The following MEPE variants were observed in gnomAD, a reference collection of about 807,000 sequenced individuals.
MEPE encodes the protein matrix extracellular phosphoglycoprotein, also known as matrix, extracellular phosphoglycoprotein with ASARM motif (bone).
MEPE carries 7 observed loss-of-function variants against 7.3 expected under a neutral mutation model. The observed-to-expected ratio is 0.95, with a 90% confidence interval of 0.54 to 1.79. MEPE has a LOEUF of 1.79. MEPE is among the 40% of genes most tolerant of loss of function. MEPE has a pLI of 0.00. For synonymous variants in MEPE, 214 were observed against 213.1 expected (o/e 1.00, Z -0.04); for missense variants, 623 against 628.2 (o/e 0.99, Z 0.09).
upstream of MEPE, among the ~76,000 whole-genome samples, chr4:87,829,162 T>C (rs1722540181): frequency 6.6e-6 from 1 of 152,280 alleles, no homozygotes; most frequent in Admixed American, 6.5e-5. Flanking sequence ...TCTCCTAATT[T>C]TTTTTCCCCA....
In MEPE at chr4:87,846,484, C is replaced by T; in HGVS notation, c.*38C>T. On this transcript the variant is annotated 3_prime_UTR_variant, in exon 4 of 4. Coordinates refer to ENST00000361056, the MANE Select transcript of MEPE (RefSeq NM_020203.6). ...TCCCAGCGGGGTGACAGTCTGAAGA[C>T]CTCGTCACCTGTGAGTTGATGTAGA... is the stretch of plus-strand genomic sequence containing the variant. The T allele has an allele frequency of 6.3e-7, 1 of 1,579,080 alleles. No homozygotes were observed. The highest frequency in any genetic ancestry group is 8.6e-7 in the Non-Finnish European group (1 of 1,164,238).
upstream of MEPE, among the ~76,000 whole-genome samples, chr4:87,829,964 A>G (rs1358959571): frequency 6.7e-6 from 1 of 149,378 alleles, no homozygotes; most frequent in Non-Finnish European, 1.5e-5. Context: ...AGTTCAAATT[A>G]GTTGTTTAAT....
intron 1 of MEPE, among the ~76,000 whole-genome samples, chr4:87,824,455 T>A (rs1450809975): frequency 6.6e-6 from 1 of 152,220 alleles, no homozygotes; most frequent in Non-Finnish European, 1.5e-5. Flanking sequence ...TGGATTGCTT[T>A]GCAGGCTATA....
chr4:87,824,549 T>C (rs1722417286), intron 1 of MEPE, among the ~76,000 whole-genome samples: 1 of 152,182 alleles, frequency 6.6e-6, no homozygotes, highest in Admixed American at 6.5e-5. Flanking sequence ...ATGACTGTGT[T>C]CCAATAAAAC....
At chr4:87,825,028 T>C (rs572687048) in intron 1 of MEPE, among the ~76,000 whole-genome samples, 4 of 152,234 alleles carry the variant, frequency 2.6e-5, no homozygotes, top group Non-Finnish European at 5.9e-5. Flanking sequence ...TTGTATTTTC[T>C]AGTAGACAAG....
intron 3 of MEPE, among the ~76,000 whole-genome samples, chr4:87,842,889 T>C (rs1210287986): frequency 6.6e-6 from 1 of 152,166 alleles, no homozygotes; most frequent in South Asian, 2.1e-4. Flanking sequence ...CTATGAAAAC[T>C]GGGAAGGACT....
rs114697634 is a variant in MEPE at position 87,836,849 on chromosome 4, T to G, written c.55-1783T>G. Among the ~76,000 whole-genome samples the G allele has an allele frequency of 2.4e-3, 364 of 152,314 alleles. 2 individuals are homozygous for G. The highest frequency in any genetic ancestry group is 8.0e-3 in the African/African-American group (332 of 41,574). ...GCACTTCTGTTTCTTCTACTGCTCA[T>G]CTTATAAAGGTTACTTTGGGACTCA... On this transcript the variant is annotated intron_variant, in intron 2 of 3. Coordinates refer to ENST00000361056, the MANE Select transcript of MEPE (RefSeq NM_020203.6).
upstream of MEPE, among the ~76,000 whole-genome samples, chr4:87,828,969 C>T (rs145361718): frequency 2.4e-4 from 36 of 152,122 alleles, no homozygotes; most frequent in Middle Eastern, 3.4e-3. Context: ...ATTTTTTTTA[C>T]AGACTCCTGG....
chr4:87,839,472 A>G (rs1263699518), intron 3 of MEPE, among the ~76,000 whole-genome samples: 8 of 151,846 alleles, frequency 5.3e-5, no homozygotes, highest in Admixed American at 4.6e-4. Flanking sequence ...GGGAAAACAG[A>G]TTTAGAGTTA....
chr4:87,835,245 T>C (rs1722739970), intron 2 of MEPE, among the ~76,000 whole-genome samples: 1 of 152,198 alleles, frequency 6.6e-6, no homozygotes, highest in African/African-American at 2.4e-5. Flanking sequence ...GGGATCCTAC[T>C]TGTGATTTTC....
rs188464686 is a variant in MEPE, at chr4:87,827,514, G to A, written c.-13+6043G>A. On this transcript the variant is annotated intron_variant, in intron 1 of 3. Coordinates refer to the MEPE transcript ENST00000424957. Reference sequence around the variant, plus strand: ...TAAAAGTCCTCAAGTTCTGTATCCTGAGAAGAAGATTCTTGGTCTTGAAAA... The same window carrying A: ...TAAAAGTCCTCAAGTTCTGTATCCTAAGAAGAAGATTCTTGGTCTTGAAAA... Among the ~76,000 whole-genome samples, 243 of 152,292 alleles carry A rather than the reference G, an allele frequency of 1.6e-3. 2 individuals carry two copies. Among genetic ancestry groups the A allele is most frequent in the African/African-American group, 5.5e-3 (227 of 41,560 alleles).
At chr4:87,843,570 C>T (rs188540328) in intron 3 of MEPE, among the ~76,000 whole-genome samples, 19 of 152,184 alleles carry the variant, frequency 1.2e-4, no homozygotes, top group African/African-American at 4.1e-4. Context: ...TTGTATATTC[C>T]AGCTCATCCT....
intron 1 of MEPE, 43 bp downstream of exon 1, chr4:87,833,057 C>T (rs958847643): frequency 1.3e-5 from 2 of 152,158 alleles, no homozygotes; most frequent in Admixed American, 1.3e-4. Context: ...AGCTTTATAT[C>T]ATAGTTGTTT....
At chr4:87,838,479 G>A (rs1722884478) in intron 2 of MEPE, among the ~76,000 whole-genome samples, 153 bp from the exon 3 acceptor site, 1 of 152,180 alleles carries the variant, frequency 6.6e-6, no homozygotes, top group Admixed American at 6.5e-5. Context: ...TTATATTAAT[G>A]CGATGAGTGT....
intron 1 of MEPE, among the ~76,000 whole-genome samples, chr4:87,825,363 C>T (rs1048225755): frequency 2.0e-5 from 3 of 152,328 alleles, no homozygotes. Flanking sequence ...GTACACCAAA[C>T]ATTCTGAGAA....
At chr4:87,843,213 T>TC (rs1476469321) in intron 3 of MEPE, among the ~76,000 whole-genome samples, 1 of 152,164 alleles carries the variant, frequency 6.6e-6, no homozygotes, top group Non-Finnish European at 1.5e-5. Flanking sequence ...TTACCACTGT[T>TC]CCTCCTAAAT....
chr4:87,844,858 T>G, intron 3 of MEPE, 119 bp from the exon 4 acceptor site: 1 of 779,018 alleles, frequency 1.3e-6, no homozygotes. Context: ...AAACCTCTAT[T>G]GAGTTAATAG....
upstream of MEPE, among the ~76,000 whole-genome samples, chr4:87,830,455 A>C (rs1722570296): frequency 1.3e-5 from 2 of 152,200 alleles, no homozygotes; most frequent in Non-Finnish European, 2.9e-5. Flanking sequence ...GGAGGCCATT[A>C]TCTTCAGCAA....
Position 87,845,653 on chromosome 4 carries a change from T to C in MEPE, c.785T>C (p.Phe262Ser). The C allele has an allele frequency of 6.2e-7, 1 of 1,613,836 alleles. No homozygotes were observed. Among genetic ancestry groups the C allele is most frequent in the Non-Finnish European group, 8.5e-7 (1 of 1,179,930 alleles). The change falls in exon 4 of 4, where the codon TTT (phenylalanine) becomes TCT (serine). Residue 262 changes from phenylalanine to serine, a missense_variant. Coordinates refer to ENST00000361056, the MANE Select transcript of MEPE (RefSeq NM_020203.6). Reference sequence around the variant, plus strand: ...CCTTTCAGTGGGGACGGCCAACCTTTTAAGGACATTCCTGGTAAAGGAGAA... The same window carrying C: ...CCTTTCAGTGGGGACGGCCAACCTTCTAAGGACATTCCTGGTAAAGGAGAA... ...ISPFSGDGQP[F>S]KDIPGKGEAT... is the part of the protein sequence containing the mutation.
Sources: allele counts gnomAD v4.1 joint callset (sites outside exome capture counted in the v4.1 genomes callset), GRCh38; gene constraint gnomAD v4.1.1; transcripts MANE v1.5; gene names NCBI Gene and HGNC (gene_info 2026-07-23, HGNC 2026-07-21).